Variants in EML6 observed in about 807,000 individuals in gnomAD.
EML6 encodes EMAP like 6, also known as echinoderm microtubule-associated protein-like 6.
EML6 carries 154 observed loss-of-function variants against 240.1 expected under a neutral mutation model. That is an observed-to-expected ratio of 0.64 (90% CI 0.56 to 0.73). EML6 has a LOEUF of 0.73. Ranked by LOEUF, EML6 falls within the 30% of genes least tolerant of loss-of-function variation. The pLI, the probability that EML6 is intolerant of heterozygous loss-of-function variation, is 0.00. For synonymous variants in EML6, 1,148 were observed against 899.0 expected (o/e 1.28, Z -4.95); for missense variants, 2,964 against 2,474.6 (o/e 1.20, Z -4.20).
chr2:54,742,296 A>C (rs1292129482), intron 2 of EML6, among the ~76,000 whole-genome samples: 1 of 152,014 alleles, frequency 6.6e-6, no homozygotes, highest in Non-Finnish European at 1.5e-5. Flanking sequence ...TGGTCCCATC[A>C]CCCATACTCC....
At chr2:54,843,994 G>A in intron 7 of EML6, 53 bp from the exon 8 acceptor site, 1 of 1,105,974 alleles carries the variant, frequency 9.0e-7, no homozygotes. Context: ...GTGTGTGTGT[G>A]TGTGTGTGTG....
intron 2 of EML6, among the ~76,000 whole-genome samples, chr2:54,753,476 G>A (rs964165747): frequency 1.1e-4 from 17 of 152,164 alleles, no homozygotes; most frequent in African/African-American, 3.9e-4. Context: ...GTGACAGGGA[G>A]TCAGAGAAGG....
At chr2:54,860,994 T>C (rs1670643036) in intron 12 of EML6, among the ~76,000 whole-genome samples, 1 of 152,034 alleles carries the variant, frequency 6.6e-6, no homozygotes, top group Non-Finnish European at 1.5e-5. Context: ...CTTACAGGAG[T>C]GACATCCCCT....
At chr2:54,937,138 C>T (rs1259783203) in intron 28 of EML6, among the ~76,000 whole-genome samples, 1 of 151,844 alleles carries the variant, frequency 6.6e-6, no homozygotes, top group Non-Finnish European at 1.5e-5. Flanking sequence ...AATTAGCTGG[C>T]TGTGGTGCAC....
In EML6 at chr2:54,968,128, C is replaced by T. The variant is rs369489440; in HGVS notation, c.5598C>T (p.Ser1866=). Residue 1866 remains serine, a splice_region_variant and synonymous_variant, in exon 40 of 42, where the codon AGC becomes AGT. Transcript: ENST00000356458. Reference sequence around the variant, plus strand: ...CTAACCCCTCTTTCTGTTGGAACAGCGTCCTGGGAGATGAAGTCATTGGAA... The same window carrying T: ...CTAACCCCTCTTTCTGTTGGAACAGTGTCCTGGGAGATGAAGTCATTGGAA... ...IEKITWASWT[S]VLGDEVIGIW... is the part of the protein sequence containing the mutation. The T allele has an allele frequency of 1.4e-5, 21 of 1,550,710 alleles. No individual in the cohort carries two copies. The highest frequency in any genetic ancestry group is 3.9e-5 in the Admixed American group (2 of 50,982).
In EML6 at chr2:54,764,725, G is replaced by T. The variant is rs188955903; in HGVS notation, c.197+39467G>T. 1.1e-3 allele frequency among the ~76,000 whole-genome samples: 175 copies of T among 152,294 alleles called. 1 individual carries two copies. Among genetic ancestry groups the T allele is most frequent in the African/African-American group, 4.0e-3 (165 of 41,544 alleles). On this transcript the variant is annotated intron_variant, in intron 2 of 41. Transcript: ENST00000356458. ...GGAGTGACTGGTTAAATACTGTTCT[G>T]CCTAGGGCAGAATCAAACGCAGTTT...
At chr2:54,874,920 C>G (rs1174189669) in intron 16 of EML6, among the ~76,000 whole-genome samples, 1 of 152,148 alleles carries the variant, frequency 6.6e-6, no homozygotes, top group Non-Finnish European at 1.5e-5. Context: ...AAAGGCAGAA[C>G]CCAGGTCCAT....
intron 2 of EML6, among the ~76,000 whole-genome samples, chr2:54,765,052 T>C (rs1668128500): frequency 1.3e-5 from 2 of 152,204 alleles, no homozygotes; most frequent in Admixed American, 1.3e-4. Flanking sequence ...CATTAGAATT[T>C]TTTTTTCTTT....
rs201325402 is a variant in EML6 at position 54,957,945 on chromosome 2, G to T, written c.4642G>T (p.Gly1548Trp). The change falls in exon 33 of 42, where the codon GGG becomes TGG. Residue 1548 changes from glycine to tryptophan, a missense_variant. Transcript: ENST00000356458. Reference sequence around the variant, plus strand: ...CTTGCTTTACAAGAAAGGGGTCATCGGGTCCCTGGGAGCTGCCAAAATGCA... The same window carrying T: ...CTTGCTTTACAAGAAAGGGGTCATCTGGTCCCTGGGAGCTGCCAAAATGCA... ...SALLYKKGVI[G>W]SLGAAKMQTM... is the part of the protein sequence containing the mutation. The T allele has an allele frequency of 3.9e-6, 6 of 1,551,554 alleles. No homozygotes were observed. The highest frequency in any genetic ancestry group is 5.2e-6 in the Non-Finnish European group (6 of 1,146,944).
chr2:54,868,533 C>T (rs931412131), intron 14 of EML6: 1 of 152,232 alleles, frequency 6.6e-6, no homozygotes, highest in Admixed American at 6.5e-5. Flanking sequence ...CATTTTATAG[C>T]AATGTTATTC....
intron 28 of EML6, among the ~76,000 whole-genome samples, chr2:54,933,071 C>A (rs538841233): frequency 6.6e-6 from 1 of 152,180 alleles, no homozygotes; most frequent in African/African-American, 2.4e-5. Context: ...GTTCTTCTTC[C>A]TCTGGGTTAT....
intron 28 of EML6, among the ~76,000 whole-genome samples, chr2:54,941,971 C>G (rs1439375692): frequency 6.6e-6 from 1 of 152,234 alleles, no homozygotes. Flanking sequence ...AATTAATCAT[C>G]TCCAAGGCCT....
chr2:54,797,743 C>G (rs936704880), intron 2 of EML6, among the ~76,000 whole-genome samples: 4 of 152,126 alleles, frequency 2.6e-5, no homozygotes, highest in Non-Finnish European at 5.9e-5. Context: ...TAAGCACCAG[C>G]TTTAGAATCT....
chr2:54,802,622 T>TACTACTACC (rs1491374539), intron 2 of EML6, among the ~76,000 whole-genome samples: 2 of 83,230 alleles, frequency 2.4e-5, no homozygotes, highest in Non-Finnish European at 5.2e-5. Flanking sequence ...TGTCTCATAC[T>TACTACTACC]ACTACTACTA....
In EML6 at chr2:54,816,788, G is replaced by A. The variant is rs1028212277; in HGVS notation, c.359G>A (p.Arg120His). 46 of 1,548,926 alleles carry A rather than the reference G, an allele frequency of 3.0e-5. No individual in the cohort carries two copies. In the East Asian group the frequency reaches 3.9e-4, roughly 13 times the overall value. ...CTAAATTATTGTTCTTATTCTTAGCGTTTAGCCTCTGTGGGGTTGGATGCC... is the reference window on the plus strand; with the variant it reads ...CTAAATTATTGTTCTTATTCTTAGCATTTAGCCTCTGTGGGGTTGGATGCC... Reference protein sequence around the residue: ...ACLAFDSDGQRLASVGLDAKN... With the variant: ...ACLAFDSDGQHLASVGLDAKN... Residue 120 changes from arginine to histidine, a missense_variant and splice_region_variant, in exon 4 of 42, where the codon CGT becomes CAT. Coordinates refer to ENST00000356458, the MANE Select transcript of EML6 (RefSeq NM_001039753.4).
At position 54,894,940 on chromosome 2, in the gene EML6, G is replaced by A; in HGVS notation, c.2768G>A (p.Gly923Asp). Reference sequence around the variant, plus strand: ...GGCTTTGTAACAGGTGGAAAGGACGGCATCGTGGAGCTCTGGGATGATATG... The same window carrying A: ...GGCTTTGTAACAGGTGGAAAGGACGACATCGTGGAGCTCTGGGATGATATG... ...DKGFVTGGKD[G>D]IVELWDDMFE... Residue 923 changes from glycine (G) to aspartate (D), a missense_variant, in exon 20 of 42, where the codon GGC (glycine) becomes GAC (aspartate). Gly to Asp is a moderately conservative substitution (Grantham distance 94, BLOSUM62 -1). Coordinates refer to ENST00000356458, the MANE Select transcript of EML6 (RefSeq NM_001039753.4). 1 of 1,551,252 alleles carries A rather than the reference G, an allele frequency of 6.4e-7. No individual in the cohort carries two copies. Among genetic ancestry groups the A allele is most frequent in the Non-Finnish European group, 8.7e-7 (1 of 1,146,654 alleles).
At chr2:54,920,745 G>T (rs1674202421) in intron 26 of EML6, among the ~76,000 whole-genome samples, 1 of 152,048 alleles carries the variant, frequency 6.6e-6, no homozygotes, top group African/African-American at 2.4e-5. Flanking sequence ...ATGAATATAG[G>T]TGCAAAAATC....
chr2:54,914,951 C>A (rs1321671011), intron 25 of EML6, among the ~76,000 whole-genome samples: 2 of 152,146 alleles, frequency 1.3e-5, no homozygotes. Context: ...CAAACCTCCC[C>A]CTTCGGCTTC....
chr2:54,742,537 A>G (rs1485056526), intron 2 of EML6, among the ~76,000 whole-genome samples: 3 of 152,136 alleles, frequency 2.0e-5, no homozygotes, highest in East Asian at 3.8e-4. Context: ...ACACGTCTCA[A>G]TTCTGCTATG....
Sources: gnomAD v4.1 joint callset for allele counts (sites outside exome capture counted in the v4.1 genomes callset) on GRCh38, gnomAD v4.1.1 for gene constraint, MANE v1.5 for transcripts, NCBI Gene and HGNC (gene_info 2026-07-23, HGNC 2026-07-21) for gene names.